Variants in ZNF699 observed in about 807,000 individuals in gnomAD.
ZNF699 encodes zinc finger protein 699.
Under a neutral mutation model 22.5 loss-of-function variants are expected in ZNF699, and 18 were observed. The ratio of observed to expected loss-of-function variants is 0.80; its 90% CI spans 0.55 to 1.19. The LOEUF is 1.19. Among genes scored for constraint, ZNF699 ranks in the 50% most tolerant of loss-of-function variants. The pLI is 0.00. For missense variants in ZNF699, 670 were observed against 763.4 expected, an observed-to-expected ratio of 0.88 and a Z score of 1.44; for synonymous variants, 241 against 262.3, an observed-to-expected ratio of 0.92 and a Z score of 0.78.
rs768918848 is a variant in ZNF699, at chr19:9,302,421, G to A, written c.132C>T (p.Tyr44=). The A allele has an allele frequency of 8.1e-6, 13 of 1,613,872 alleles. No homozygotes were observed. In the African/African-American group the frequency reaches 1.6e-4, roughly 20 times the overall value. The change falls in exon 3 of 6, where the codon TAC becomes TAT. Residue 44 remains tyrosine, a synonymous_variant. Coordinates refer to ENST00000591998, the MANE Select transcript of ZNF699 (RefSeq NM_198535.3). The part of the protein sequence containing the change: ...ALLDLAQRNL[Y]RDVMLENFQN... Reference sequence around the variant, plus strand: ...GGAAGTTTTCCAGCATCACATCTCTGTAGAGGTTTCTCTGAGCAAGATCCA... The same window carrying A: ...GGAAGTTTTCCAGCATCACATCTCTATAGAGGTTTCTCTGAGCAAGATCCA...
At chr19:9,303,810 C>A (rs1340405512) in intron 2 of ZNF699, among the ~76,000 whole-genome samples, 1 of 151,156 alleles carries the variant, frequency 6.6e-6, no homozygotes, top group Non-Finnish European at 1.5e-5. Flanking sequence ...GGATGAAAAC[C>A]AAATTGTTTT....
intron 3 of ZNF699, among the ~76,000 whole-genome samples, chr19:9,298,425 G>A (rs1348831399): frequency 4.2e-5 from 6 of 142,882 alleles, no homozygotes; most frequent in East Asian, 4.3e-4. Flanking sequence ...CCGCCCGGGC[G>A]ACAGAGCGAG....
intron 1 of ZNF699, among the ~76,000 whole-genome samples, chr19:9,306,550 TTAG>T (rs1423478771): frequency 6.6e-6 from 1 of 152,234 alleles, no homozygotes; most frequent in Non-Finnish European, 1.5e-5. Context: ...CTTTGCTGTA[TTAG>T]TAACAATATA....
At chr19:9,308,479 C>T (rs1321064325) in intron 1 of ZNF699, among the ~76,000 whole-genome samples, 1 of 151,998 alleles carries the variant, frequency 6.6e-6, no homozygotes, top group African/African-American at 2.4e-5. Context: ...TGATTACACC[C>T]AGTAATTAAA....
At position 9,291,517 on chromosome 19, in the gene ZNF699, C is replaced by T. The variant is rs1440245830; in HGVS notation, c.*3958G>A. On this transcript the variant is annotated 3_prime_UTR_variant, in exon 6 of 6. Transcript: ENST00000591998. ...TCTCTTTGATAAATCTATATACACA[C>T]ACCTTGATCCTACCTCACACGCTAC... 1 of 152,096 alleles carries T rather than the reference C, an allele frequency of 6.6e-6. No homozygotes were observed. The highest frequency in any genetic ancestry group is 2.4e-5 in the African/African-American group (1 of 41,404). The allele number at this position is 152,096 out of a possible 1,614,324, so 9.4% of individuals were successfully genotyped here. A position where few individuals can be genotyped will look rare whatever the true frequency, so the allele number is the denominator to read the frequency against.
rs1351230835 is a variant in ZNF699, at chr19:9,292,901, G to A, written c.*2574C>T. 4.0e-5 allele frequency among the ~76,000 whole-genome samples: 6 copies of A among 151,246 alleles called. No homozygotes were observed. Among genetic ancestry groups the A allele is most frequent in the African/African-American group, 7.3e-5 (3 of 41,176 alleles). On this transcript the variant is annotated 3_prime_UTR_variant, in exon 6 of 6. Coordinates refer to ENST00000591998, the MANE Select transcript of ZNF699 (RefSeq NM_198535.3). Reference sequence around the variant, plus strand: ...TATAATCCCAGCACTTTGGGAGGCCGAGGTGGGCAGATCACCTGAGGTCAG... The same window carrying A: ...TATAATCCCAGCACTTTGGGAGGCCAAGGTGGGCAGATCACCTGAGGTCAG...
At position 9,302,452 on chromosome 19, in the gene ZNF699, G is replaced by C. The variant is rs200194175; in HGVS notation, c.101C>G (p.Ala34Gly). Residue 34 changes from alanine to glycine, a missense_variant, in exon 3 of 6, where the codon GCT becomes GGT. Physicochemically the swap from Ala to Gly is moderately conservative, Grantham distance 60. Coordinates refer to ENST00000591998, the MANE Select transcript of ZNF699 (RefSeq NM_198535.3). ...VAVDFTQEEWALLDLAQRNLY... is the reference protein window; with the variant it reads ...VAVDFTQEEWGLLDLAQRNLY... ...GTTTCTCTGAGCAAGATCCAGCAAA[G>C]CCCATTCCTCCTGGGTAAAGTCCAC... 4 of 1,613,872 alleles carry C rather than the reference G, an allele frequency of 2.5e-6. No individual in the cohort carries two copies. Among genetic ancestry groups the C allele is most frequent in the Non-Finnish European group, 3.4e-6 (4 of 1,179,920 alleles).
In ZNF699 at chr19:9,291,972, G is replaced by C. The variant is rs972692740; in HGVS notation, c.*3503C>G. The stretch of plus-strand genomic sequence containing the variant: ...CCACCTCGGCCTCCCAAAGTGCTGG[G>C]ATTATAGGCATGAGCCACTGTGCCT... On this transcript the variant is annotated 3_prime_UTR_variant, in exon 6 of 6. Coordinates refer to ENST00000591998, the MANE Select transcript of ZNF699 (RefSeq NM_198535.3). 1.3e-5 allele frequency among the ~76,000 whole-genome samples: 2 copies of C among 152,112 alleles called. No homozygotes were observed. Among genetic ancestry groups the C allele is most frequent in the Non-Finnish European group, 2.9e-5 (2 of 68,024 alleles).
chr19:9,295,542 C>T lies in ZNF699; in HGVS notation c.1862G>A (p.Gly621Glu), dbSNP rs1410920510. 2 of 1,613,956 alleles carry T rather than the reference C, an allele frequency of 1.2e-6. No homozygotes were observed. Among genetic ancestry groups the T allele is most frequent in the African/African-American group, 2.7e-5 (2 of 74,928 alleles). ...GTAGGCAGGACAAACAAAGGCTTTC[C>T]CACATTCCTTACATTCATAGGGTTT... ...GEKPYECKEC[G>E]KAFVCPAYFR... The change falls in exon 6 of 6, where the codon GGG (glycine) becomes GAG (glutamate). Residue 621 changes from glycine (G) to glutamate (E), a missense_variant. Gly to Glu is a moderately conservative substitution (Grantham distance 98). Transcript: ENST00000591998.
At chr19:9,306,888 A>G (rs58433527) in intron 1 of ZNF699, among the ~76,000 whole-genome samples, 2,555 of 152,314 alleles carry the variant, frequency 0.017, 71 homozygotes, top group African/African-American at 0.057. Flanking sequence ...CACTACAGAG[A>G]GTGGACAAAT....
chr19:9,304,692 A>G (rs548039222), intron 2 of ZNF699, among the ~76,000 whole-genome samples: 116 of 152,270 alleles, frequency 7.6e-4, no homozygotes, highest in African/African-American at 2.6e-3. Flanking sequence ...TTGGGAGGCC[A>G]AGGCGGACAG....
At position 9,305,260 on chromosome 19, in the gene ZNF699, A is replaced by AACACACACACACACAC. The variant is rs1465683449; in HGVS notation, c.-5-137_-5-136insGTGTGTGTGTGTGTGT. The AACACACACACACACAC allele has an allele frequency of 1.9e-3, 1,207 of 650,896 alleles. 11 individuals carry two copies. In the African/African-American group the frequency reaches 0.019, roughly 10 times the overall value. The allele number at this position is 650,896 out of a possible 1,614,324, so 40.3% of individuals were successfully genotyped here. A position where few individuals can be genotyped will look rare whatever the true frequency, so the allele number is the denominator to read the frequency against. ...AATTATAAGTAACAACTCCCCTCAA[A>AACACACACACACACAC]ACACATACACACACACACACACACA... is the stretch of plus-strand genomic sequence containing the variant. On this transcript the variant is annotated intron_variant, in intron 1 of 5. Transcript: ENST00000591998.
At chr19:9,308,040 A>G (rs2066333951) in intron 1 of ZNF699, among the ~76,000 whole-genome samples, 1 of 152,184 alleles carries the variant, frequency 6.6e-6, no homozygotes, top group African/African-American at 2.4e-5. Flanking sequence ...GAAAATAGAA[A>G]ATAATCTTTT....
chr19:9,305,249 A>G, intron 1 of ZNF699, 125 bp from the exon 2 acceptor site: 1 of 695,704 alleles, frequency 1.4e-6, no homozygotes, highest in Non-Finnish European at 2.5e-6. Flanking sequence ...ATAAGTAACA[A>G]CTCCCCTCAA....
rs2066269049 is a variant in ZNF699 at position 9,292,593 on chromosome 19, CA to C, written c.*2881del. Among the ~76,000 whole-genome samples the C allele has an allele frequency of 6.6e-6, 1 of 152,078 alleles. No homozygotes were observed. Reference sequence around the variant, plus strand: ...AGCCATGTCTGAAGCTCGTTATACCCAAGGACTTTTTAGTAATAAATTATTT... The same window carrying C: ...AGCCATGTCTGAAGCTCGTTATACCCAGGACTTTTTAGTAATAAATTATTT... On this transcript the variant is annotated 3_prime_UTR_variant, in exon 6 of 6. Transcript: ENST00000591998.
At position 9,301,137 on chromosome 19, in the gene ZNF699, A is replaced by G. The variant is rs80031007; in HGVS notation, c.175+1241T>C. Among the ~76,000 whole-genome samples the G allele has an allele frequency of 2.2e-3, 325 of 144,574 alleles. 2 individuals carry two copies. The highest frequency in any genetic ancestry group is 3.6e-3 in the Middle Eastern group (1 of 280). 94.8% of individuals were successfully genotyped at this position (144,574 alleles called of 152,430 possible). On this transcript the variant is annotated intron_variant, in intron 3 of 5. Coordinates refer to ENST00000591998, the MANE Select transcript of ZNF699 (RefSeq NM_198535.3). ...ATAATAATAAAGCCTACAAAAAAAA[A>G]AGAGAGAGAGAGAGAGAGAGAGAGA...
chr19:9,293,139 AAAAAG>A lies in ZNF699; in HGVS notation c.*2331_*2335del, dbSNP rs1467257275. ...ACAAGAGTCCGTCTCAAAAAAAAAA[AAAAAG>A]AAAAGAAATCATAAATGGATGAAAT... On this transcript the variant is annotated 3_prime_UTR_variant, in exon 6 of 6. Coordinates refer to ENST00000591998, the MANE Select transcript of ZNF699 (RefSeq NM_198535.3). Among the ~76,000 whole-genome samples the A allele has an allele frequency of 6.6e-6, 1 of 151,954 alleles. No homozygotes were observed. The highest frequency in any genetic ancestry group is 1.5e-5 in the Non-Finnish European group (1 of 67,988).
rs2066290325 is a variant in ZNF699, at chr19:9,297,235, A to G, written c.470+61T>C. The stretch of plus-strand genomic sequence containing the variant: ...TATATATACATATTTCTTAAATTTC[A>G]TGACTTTAATTTTAAGATTCTCTCC... On this transcript the variant is annotated intron_variant, in intron 5 of 5. Transcript: ENST00000591998. This position sits in a 1 kb window ranked among gnomAD's most constrained non-coding sequence, Gnocchi z 4.3. 1.4e-6 allele frequency: 2 copies of G among 1,477,408 alleles called. No homozygotes were observed. The highest frequency in any genetic ancestry group is 1.8e-6 in the Non-Finnish European group (2 of 1,097,528). 91.5% of individuals were successfully genotyped at this position (1,477,408 alleles called of 1,614,324 possible). A position where few individuals can be genotyped will look rare whatever the true frequency, so the allele number is the denominator to read the frequency against.
rs985629667 is a variant in ZNF699 at position 9,294,029 on chromosome 19, A to G, written c.*1446T>C. Among the ~76,000 whole-genome samples the G allele has an allele frequency of 6.6e-6, 1 of 152,008 alleles. No homozygotes were observed. The highest frequency in any genetic ancestry group is 2.4e-5 in the African/African-American group (1 of 41,376). ...TGATACCCTGTGGATGCTTACCTCA[A>G]TTACCAAGGGTAACTTCCCTCACTC... On this transcript the variant is annotated 3_prime_UTR_variant, in exon 6 of 6. Coordinates refer to ENST00000591998, the MANE Select transcript of ZNF699 (RefSeq NM_198535.3).
Sources: gnomAD v4.1 joint callset for allele counts (sites outside exome capture counted in the v4.1 genomes callset) on GRCh38, gnomAD v4.1.1 for gene constraint, Gnocchi (gnomAD v3.1) non-coding constraint, MANE v1.5 for transcripts, NCBI Gene and HGNC (gene_info 2026-07-23, HGNC 2026-07-21) for gene names.